Variants in PLXNA4 observed in about 807,000 individuals in gnomAD.
PLXNA4 encodes the protein plexin A4, also known as plexin-A4.
PLXNA4 carries 44 observed loss-of-function variants against 191.8 expected under a neutral mutation model. The observed-to-expected ratio is 0.23, with a 90% CI of 0.18 to 0.29. The LOEUF (loss-of-function observed/expected upper bound fraction) is 0.29. Ranked by LOEUF, PLXNA4 falls within the 10% of genes least tolerant of loss-of-function variation. The pLI, the probability that PLXNA4 is intolerant of heterozygous loss-of-function variation, is 1.00. For synonymous variants in PLXNA4, 1,082 were observed against 1,009.5 expected (o/e 1.07, Z -1.36); for missense variants, 1,800 against 2,488.8 (o/e 0.72, Z 5.89).
intron 1 of PLXNA4, among the ~76,000 whole-genome samples, chr7:132,570,134 G>C (rs1048640981): frequency 6.6e-6 from 1 of 152,146 alleles, no homozygotes; most frequent in African/African-American, 2.4e-5. Flanking sequence ...TTTACACCCA[G>C]GGTTTTGCAA....
chr7:132,291,090 T>G (rs754020314), intron 4 of PLXNA4, among the ~76,000 whole-genome samples: 7 of 152,166 alleles, frequency 4.6e-5, no homozygotes, highest in Non-Finnish European at 1.0e-4. Context: ...TGTCTTCAGC[T>G]GTCTCACTCA....
At chr7:132,162,759 G>T (rs1210730082) in intron 24 of PLXNA4, among the ~76,000 whole-genome samples, 2 of 152,138 alleles carry the variant, frequency 1.3e-5, no homozygotes, top group Non-Finnish European at 2.9e-5. Flanking sequence ...TCATAACGGA[G>T]CCAATCCCCA....
At chr7:132,567,592 G>T (rs1801792539) in intron 1 of PLXNA4, among the ~76,000 whole-genome samples, 1 of 152,024 alleles carries the variant, frequency 6.6e-6, no homozygotes, top group African/African-American at 2.4e-5. Flanking sequence ...TATTTTTAAG[G>T]TCATTCTTCT....
chr7:132,349,110 T>C (rs1028190823), intron 3 of PLXNA4, among the ~76,000 whole-genome samples: 6 of 152,178 alleles, frequency 3.9e-5, no homozygotes, highest in East Asian at 3.8e-4. Context: ...CAGTGAGCAA[T>C]TGAAGTAAAG....
chr7:132,284,112 A>G, intron 4 of PLXNA4, among the ~76,000 whole-genome samples: 1 of 152,194 alleles, frequency 6.6e-6, no homozygotes, highest in Non-Finnish European at 1.5e-5. Flanking sequence ...CTTCAAGGTT[A>G]CAGTGAGCTA....
intron 2 of PLXNA4, among the ~76,000 whole-genome samples, chr7:132,588,873 GA>G (rs1404386643): frequency 6.6e-6 from 1 of 151,546 alleles, no homozygotes; most frequent in Non-Finnish European, 1.5e-5. Context: ...AGAAAGGGAA[GA>G]AAAGGGGGAA....
intron 2 of PLXNA4, among the ~76,000 whole-genome samples, chr7:132,609,007 T>TG (rs879317372): frequency 5.3e-5 from 8 of 152,094 alleles, no homozygotes; most frequent in Non-Finnish European, 7.4e-5. Flanking sequence ...TTTCTCTACC[T>TG]GGGGGGCCCT....
chr7:132,332,185 C>T (rs1802614938), intron 3 of PLXNA4, among the ~76,000 whole-genome samples: 1 of 152,166 alleles, frequency 6.6e-6, no homozygotes, highest in Non-Finnish European at 1.5e-5. Context: ...CCCATGGTGC[C>T]CACGTCGAGT....
At chr7:132,287,349 G>A (rs1800721006) in intron 4 of PLXNA4, among the ~76,000 whole-genome samples, 1 of 152,198 alleles carries the variant, frequency 6.6e-6, no homozygotes, top group African/African-American at 2.4e-5. Context: ...TAATGATAAT[G>A]ATGACAGCAA....
intron 3 of PLXNA4, among the ~76,000 whole-genome samples, chr7:132,310,227 T>C (rs1801675387): frequency 6.6e-6 from 1 of 152,206 alleles, no homozygotes; most frequent in African/African-American, 2.4e-5. Flanking sequence ...ATCAGGTGAA[T>C]TGTGAAATGC....
intron 4 of PLXNA4, among the ~76,000 whole-genome samples, chr7:132,251,178 GC>G (rs1362641224): frequency 1.5e-4 from 22 of 151,390 alleles, no homozygotes; most frequent in Non-Finnish European, 2.6e-4. Context: ...TTCTTCATCA[GC>G]TGTACTCCTA....
intron 2 of PLXNA4, among the ~76,000 whole-genome samples, chr7:132,595,647 C>T (rs974046895): frequency 3.9e-5 from 6 of 152,306 alleles, no homozygotes; most frequent in African/African-American, 1.4e-4. Flanking sequence ...CTGGCCCAAC[C>T]TGATTCTCGT....
intron 3 of PLXNA4, chr7:132,385,268 G>A: frequency 1.2e-6 from 2 of 1,613,908 alleles, no homozygotes; most frequent in South Asian, 2.2e-5. Context: ...TGTAGCTCAA[G>A]GGTAGGGCAG....
At chr7:132,206,700 C>A (rs1797633926) in intron 10 of PLXNA4, among the ~76,000 whole-genome samples, 1 of 152,046 alleles carries the variant, frequency 6.6e-6, no homozygotes, top group Non-Finnish European at 1.5e-5. Flanking sequence ...CTGCAACGTG[C>A]CTGGGGCAGG....
At chr7:132,366,757 T>A (rs1804203404) in intron 3 of PLXNA4, among the ~76,000 whole-genome samples, 2 of 152,188 alleles carry the variant, frequency 1.3e-5, no homozygotes, top group African/African-American at 4.8e-5. Flanking sequence ...TAATCTTTTT[T>A]AATTATTTAA....
chr7:132,331,680 T>A (rs999836152), intron 3 of PLXNA4, among the ~76,000 whole-genome samples: 2 of 152,208 alleles, frequency 1.3e-5, no homozygotes, highest in Non-Finnish European at 2.9e-5. Context: ...TAATGGTGGC[T>A]ATTGCTCTCG....
chr7:132,302,621 A>C (rs1427182136), intron 3 of PLXNA4, among the ~76,000 whole-genome samples: 1 of 151,386 alleles, frequency 6.6e-6, no homozygotes, highest in Non-Finnish European at 1.5e-5. Flanking sequence ...AAAAACAGAC[A>C]AGCAGAAGCC....
intron 1 of PLXNA4, among the ~76,000 whole-genome samples, chr7:132,529,924 T>C (rs1799562099): frequency 6.6e-6 from 1 of 152,148 alleles, no homozygotes; most frequent in Non-Finnish European, 1.5e-5. Flanking sequence ...GATATTCTTA[T>C]ATGCAGCCAG....
chr7:132,642,435 T>C (rs1803761722), intron 2 of PLXNA4, among the ~76,000 whole-genome samples: 1 of 151,848 alleles, frequency 6.6e-6, no homozygotes, highest in African/African-American at 2.4e-5. Flanking sequence ...GGGTTGCCCT[T>C]AAGAAAGAAT....
Sources: gnomAD v4.1 joint callset for allele counts (sites outside exome capture counted in the v4.1 genomes callset) on GRCh38, gnomAD v4.1.1 for gene constraint, MANE v1.5 for transcripts, NCBI Gene and HGNC (gene_info 2026-07-23, HGNC 2026-07-21) for gene names.